The following TAF6L variants were observed in gnomAD, a reference collection of about 807,000 sequenced individuals.
TAF6L encodes the protein TAF6-like RNA polymerase II p300/CBP-associated factor-associated factor 65 kDa subunit 6L.
Under a neutral mutation model 57.3 loss-of-function variants are expected in TAF6L, and 34 were observed. The ratio of observed to expected loss-of-function variants is 0.59; its 90% confidence interval spans 0.45 to 0.79. The LOEUF (loss-of-function observed/expected upper bound fraction) is 0.79, where lower values mean the gene tolerates loss of function less well. Among genes scored for constraint, TAF6L ranks in the 30% least tolerant of loss-of-function variants. The pLI is 0.00. For missense variants in TAF6L, 782 were observed against 853.2 expected, an observed-to-expected ratio of 0.92 and a Z score of 1.04; for synonymous variants, 417 against 376.3, an observed-to-expected ratio of 1.11 and a Z score of -1.25.
chr11:62,787,333 C>T lies in TAF6L; in HGVS notation c.*37C>T, dbSNP rs548299721. ...CTTCGTTCCTTGTAAATAAATCCCG[C>T]CCCCGGAAATGACGTCTCCACCTTC... On this transcript the variant is annotated 3_prime_UTR_variant, in exon 11 of 11. Transcript: ENST00000294168. The T allele has an allele frequency of 3.3e-6, 5 of 1,523,552 alleles. No homozygotes were observed. The highest frequency in any genetic ancestry group is 2.3e-5 in the East Asian group (1 of 42,822). The allele number at this position is 1,523,552 out of a possible 1,614,324, so 94.4% of individuals were successfully genotyped here. A position where few individuals can be genotyped will look rare whatever the true frequency, so the allele number is the denominator to read the frequency against.
intron 6 of TAF6L, 123 bp downstream of exon 6, chr11:62,779,086 T>C: frequency 1.3e-6 from 1 of 770,866 alleles, no homozygotes; most frequent in Non-Finnish European, 2.1e-6. Context: ...AATGGCATGA[T>C]CTCAGCTCAC....
At chr11:62,780,943 A>T (rs2084224749) in intron 6 of TAF6L, among the ~76,000 whole-genome samples, 1 of 148,402 alleles carries the variant, frequency 6.7e-6, no homozygotes, top group African/African-American at 2.5e-5. Context: ...TCTCAAAAAA[A>T]AAAAAAAAAG....
rs778841881 is a variant in TAF6L, at chr11:62,775,815, A to C, written c.32A>C (p.Glu11Ala). The C allele has an allele frequency of 1.6e-5, 25 of 1,612,020 alleles. No homozygotes were observed. The highest frequency in any genetic ancestry group is 2.1e-5 in the Non-Finnish European group (25 of 1,179,910). MSEREERRFVEIPRESVRLMA... is the reference protein window; with the variant it reads MSEREERRFVAIPRESVRLMA... ...GAGCGAGAAGAGCGGCGGTTTGTGGAGATCCCTCGGGAGTCTGTCCGGCTC... is the reference window on the plus strand; with the variant it reads ...GAGCGAGAAGAGCGGCGGTTTGTGGCGATCCCTCGGGAGTCTGTCCGGCTC... Residue 11 changes from glutamate to alanine, a missense_variant, in exon 2 of 11, where the codon GAG becomes GCG. By Grantham distance (107) the Glu-to-Ala change is moderately radical. This residue lies in a region of TAF6L where 220 missense variants were observed against 252.1 expected (regional missense o/e 0.87). Coordinates refer to ENST00000294168, the MANE Select transcript of TAF6L (RefSeq NM_006473.4).
chr11:62,776,062 A>T, intron 2 of TAF6L, 132 bp downstream of exon 2: 1 of 1,206,488 alleles, frequency 8.3e-7, no homozygotes, highest in Non-Finnish European at 1.1e-6. Context: ...CCATGCCTTT[A>T]CAGAACTCTA....
At position 62,772,240 on chromosome 11, in the gene TAF6L, G is replaced by C. The variant is rs2084154008; in HGVS notation, c.-14+750G>C. 1.2e-5 allele frequency: 5 copies of C among 418,258 alleles called. No individual in the cohort carries two copies. The Admixed American group carries it at 1.3e-4, about 11-fold the overall frequency. The allele number at this position is 418,258 out of a possible 1,614,324, so 25.9% of individuals were successfully genotyped here. A position where few individuals can be genotyped will look rare whatever the true frequency, so the allele number is the denominator to read the frequency against. ...TCAGGCATAGTACAGTGCTATTCGT[G>C]GCCGGGCGCGGTGGCTCACGCCTGT... On this transcript the variant is annotated intron_variant, in intron 1 of 10. Transcript: ENST00000294168.
At chr11:62,778,507 G>A (rs1392815931) in intron 5 of TAF6L, 172 bp downstream of exon 5, 4 of 745,934 alleles carry the variant, frequency 5.4e-6, no homozygotes, top group Non-Finnish European at 9.0e-6. Context: ...AGTTGGAGAT[G>A]GGGGCCCAGA....
chr11:62,771,632 C>G (rs942037951), intron 1 of TAF6L, 142 bp downstream of exon 1: 1 of 178,710 alleles, frequency 5.6e-6, no homozygotes, highest in Non-Finnish European at 1.2e-5. Context: ...ACCTCCTCCC[C>G]CCGCGCACCC....
At chr11:62,778,239 A>G in intron 4 of TAF6L, 46 bp from the exon 5 acceptor site, 1 of 1,614,008 alleles carries the variant, frequency 6.2e-7, no homozygotes, top group Non-Finnish European at 8.5e-7. Flanking sequence ...GCGGTACTCT[A>G]AGGGGCAAAA....
At chr11:62,783,351 G>A (rs556375706) in intron 9 of TAF6L, among the ~76,000 whole-genome samples, 23 of 151,996 alleles carry the variant, frequency 1.5e-4, no homozygotes, top group Non-Finnish European at 3.1e-4. Context: ...GTGTGGTGGC[G>A]GGCGCCTGTA....
rs1205307003 is a variant in TAF6L, at chr11:62,778,901, C to A, written c.469C>A (p.Leu157Ile). ...PSAVSSLTDD[L>I]LKYYHQVTRA... ...TGCTGTGTCTTCACTGACAGATGACCTTCTCAAGTACTATCACCAGGTGAC... is the reference window on the plus strand; with the variant it reads ...TGCTGTGTCTTCACTGACAGATGACATTCTCAAGTACTATCACCAGGTGAC... The change falls in exon 6 of 11, where the codon CTT (leucine) becomes ATT (isoleucine). Residue 157 changes from leucine to isoleucine, a missense_variant. Physicochemically the swap from Leu to Ile is conservative, Grantham distance 5 (BLOSUM62 2). This residue lies in a region of TAF6L where 220 missense variants were observed against 252.1 expected (regional missense o/e 0.87). Transcript: ENST00000294168. 1.9e-6 allele frequency: 3 copies of A among 1,614,078 alleles called. No homozygotes were observed. The highest frequency in any genetic ancestry group is 2.2e-5 in the South Asian group (2 of 91,080).
At chr11:62,773,354 T>C (rs2084163524) in intron 1 of TAF6L, among the ~76,000 whole-genome samples, 1 of 151,030 alleles carries the variant, frequency 6.6e-6, no homozygotes, top group Admixed American at 6.6e-5. Context: ...CACCATATTG[T>C]CCAGGCTGGT....
intron 9 of TAF6L, among the ~76,000 whole-genome samples, chr11:62,784,998 A>T (rs967352580): frequency 2.0e-5 from 3 of 152,078 alleles, no homozygotes; most frequent in African/African-American, 4.8e-5. Flanking sequence ...GATTTAGATC[A>T]TCTTTTTCTT....
intron 9 of TAF6L, among the ~76,000 whole-genome samples, chr11:62,785,166 T>C (rs1164184656): frequency 2.0e-5 from 3 of 151,800 alleles, no homozygotes; most frequent in Non-Finnish European, 2.9e-5. Context: ...CTGTAGACTT[T>C]TGTAAATTCT....
chr11:62,781,994 G>C (rs181124445), intron 7 of TAF6L, 26 bp downstream of exon 7: 1 of 1,612,698 alleles, frequency 6.2e-7, no homozygotes, highest in Non-Finnish European at 8.5e-7. Context: ...GGGACAGGGA[G>C]AATGTTTTAT....
At chr11:62,776,016 G>T in intron 2 of TAF6L, 86 bp downstream of exon 2, 1 of 1,462,306 alleles carries the variant, frequency 6.8e-7, no homozygotes. Flanking sequence ...TTATTCAAGT[G>T]TACACTGGGT....
intron 3 of TAF6L, among the ~76,000 whole-genome samples, chr11:62,777,289 T>C (rs914804511): frequency 1.3e-4 from 20 of 151,974 alleles, no homozygotes; most frequent in African/African-American, 3.6e-4. Flanking sequence ...ATCACGCCAC[T>C]GCATTCCAGC....
At chr11:62,783,535 C>A (rs964991462) in intron 9 of TAF6L, among the ~76,000 whole-genome samples, 12 of 133,914 alleles carry the variant, frequency 9.0e-5, no homozygotes, top group African/African-American at 3.3e-4. Context: ...GAGGGAGGAT[C>A]TTTTTTTTTT....
chr11:62,775,692 G>T (rs2084180784), intron 1 of TAF6L, 79 bp from the exon 2 acceptor site: 2 of 1,450,096 alleles, frequency 1.4e-6, no homozygotes, highest in Non-Finnish European at 1.8e-6. Context: ...AGCAAGGCTG[G>T]TGTGGAGGGT....
intron 2 of TAF6L, among the ~76,000 whole-genome samples, 196 bp from the exon 3 acceptor site, chr11:62,776,188 G>C (rs2084186933): frequency 6.6e-6 from 1 of 152,184 alleles, no homozygotes; most frequent in Non-Finnish European, 1.5e-5. Flanking sequence ...TTCTGCATGT[G>C]AGAAACTGAG....
Sources: gnomAD v4.1 joint callset for allele counts (sites outside exome capture counted in the v4.1 genomes callset) on GRCh38, gnomAD v4.1.1 for gene constraint, gnomAD v4.1.1 regional missense constraint, MANE v1.5 for transcripts, NCBI Gene and HGNC (gene_info 2026-07-23, HGNC 2026-07-21) for gene names.